DTWD2: variants seen among roughly 807,000 people sequenced by gnomAD.
The protein encoded by DTWD2 is DTW motif tRNA-uridine aminocarboxypropyltransferase 2.
Under a neutral mutation model 31.8 loss-of-function variants are expected in DTWD2, and 39 were observed. That is an observed-to-expected ratio of 1.22 (90% CI 0.95 to 1.60). DTWD2 has a LOEUF of 1.60. Ranked by LOEUF, DTWD2 falls within the 40% of genes most tolerant of loss-of-function variation. DTWD2 has a pLI of 0.00. For synonymous variants in DTWD2, 180 were observed against 142.8 expected (o/e 1.26, Z -1.86); for missense variants, 515 against 381.5 (o/e 1.35, Z -2.92).
chr5:118,862,474 G>C (rs1252905159), intron 4 of DTWD2, among the ~76,000 whole-genome samples: 1 of 151,954 alleles, frequency 6.6e-6, no homozygotes. Flanking sequence ...GGCAGCTTTG[G>C]TTACTTTATT....
intron 4 of DTWD2, among the ~76,000 whole-genome samples, chr5:118,863,082 C>T (rs1216674229): frequency 6.6e-6 from 1 of 152,124 alleles, no homozygotes; most frequent in East Asian, 1.9e-4. Context: ...TTTTTCAAGC[C>T]ACGTTTAGTA....
At chr5:118,985,513 T>TACAC (rs1388704157) in intron 1 of DTWD2, among the ~76,000 whole-genome samples, 4 of 129,372 alleles carry the variant, frequency 3.1e-5, no homozygotes, top group African/African-American at 1.2e-4. Context: ...TATATATATA[T>TACAC]ATATACACAC....
Position 118,851,381 on chromosome 5 carries a change from T to A in DTWD2, c.598-3163A>T, listed in dbSNP as rs930857287. On this transcript the variant is annotated intron_variant, in intron 4 of 5. Coordinates refer to ENST00000510708, the MANE Select transcript of DTWD2 (RefSeq NM_173666.4). ...TACATCTGGGCCGCCGGGGGCAACA[T>A]CACATATCGGTAGGACCGTGATGCC... Among the ~76,000 whole-genome samples the A allele has an allele frequency of 2.0e-5, 3 of 150,526 alleles. 1 individual carries two copies. The highest frequency in any genetic ancestry group is 2.0e-4 in the Admixed American group (3 of 15,128).
At chr5:118,942,278 G>A (rs370608957) in intron 2 of DTWD2, among the ~76,000 whole-genome samples, 1 of 152,282 alleles carries the variant, frequency 6.6e-6, no homozygotes, top group Non-Finnish European at 1.5e-5. Flanking sequence ...GGGAGGCAGA[G>A]GTTGGAGGAT....
chr5:118,976,176 G>A (rs1177416937), intron 1 of DTWD2, among the ~76,000 whole-genome samples: 2 of 152,206 alleles, frequency 1.3e-5, no homozygotes, highest in East Asian at 3.8e-4. Flanking sequence ...GTATATCTGG[G>A]ACACAGCTAA....
chr5:118,953,588 G>A (rs1468893151), intron 1 of DTWD2, among the ~76,000 whole-genome samples: 1 of 152,142 alleles, frequency 6.6e-6, no homozygotes, highest in East Asian at 1.9e-4. Flanking sequence ...AAGACCCTAT[G>A]GGGACACCAT....
intron 5 of DTWD2, among the ~76,000 whole-genome samples, chr5:118,842,949 TCCTC>T (rs1561421752): frequency 1.4e-5 from 2 of 142,838 alleles, no homozygotes; most frequent in African/African-American, 5.3e-5. Flanking sequence ...ACTTTCTTCT[TCCTC>T]TTTTTTTTTT....
chr5:118,914,707 G>A (rs917313392), intron 4 of DTWD2, among the ~76,000 whole-genome samples: 33 of 152,132 alleles, frequency 2.2e-4, no homozygotes, highest in African/African-American at 8.0e-4. Context: ...TCCAGCTTAA[G>A]CAGTAAAGCT....
At chr5:118,860,404 A>T (rs868865586) in intron 4 of DTWD2, among the ~76,000 whole-genome samples, 7 of 151,796 alleles carry the variant, frequency 4.6e-5, no homozygotes, top group African/African-American at 1.5e-4. Flanking sequence ...ATAGTATAAT[A>T]CTTGATTGTA....
chr5:118,849,092 T>G (rs528920803), intron 4 of DTWD2, among the ~76,000 whole-genome samples: 118 of 152,218 alleles, frequency 7.8e-4, no homozygotes, highest in Non-Finnish European at 1.1e-3. Flanking sequence ...ACAGGCAACC[T>G]ACAGAATGGG....
chr5:118,860,403 T>C (rs1361768456), intron 4 of DTWD2, among the ~76,000 whole-genome samples: 1 of 151,854 alleles, frequency 6.6e-6, no homozygotes, highest in Non-Finnish European at 1.5e-5. Context: ...AATAGTATAA[T>C]ACTTGATTGT....
At chr5:118,871,193 G>T (rs1752496682) in intron 4 of DTWD2, among the ~76,000 whole-genome samples, 1 of 152,010 alleles carries the variant, frequency 6.6e-6, no homozygotes, top group Admixed American at 6.6e-5. Context: ...GCATCTTTAG[G>T]TTCCACTTCT....
intron 1 of DTWD2, among the ~76,000 whole-genome samples, chr5:118,951,109 A>G (rs2149588849): frequency 6.6e-6 from 1 of 152,286 alleles, no homozygotes; most frequent in East Asian, 1.9e-4. Context: ...AAAAGGAGCA[A>G]TAACCTTGAC....
At chr5:118,895,439 A>G (rs1022981376) in intron 4 of DTWD2, among the ~76,000 whole-genome samples, 1 of 152,178 alleles carries the variant, frequency 6.6e-6, no homozygotes, top group Non-Finnish European at 1.5e-5. Context: ...ATACTGCCCT[A>G]AGCAATCTTC....
chr5:118,855,171 A>C (rs1419381746), intron 4 of DTWD2, among the ~76,000 whole-genome samples: 2 of 149,650 alleles, frequency 1.3e-5, no homozygotes, highest in African/African-American at 4.9e-5. Context: ...TGTCTCAAAA[A>C]AAAAAAATAA....
intron 4 of DTWD2, among the ~76,000 whole-genome samples, chr5:118,864,641 A>T (rs955465022): frequency 2.8e-5 from 4 of 145,454 alleles, no homozygotes; most frequent in Admixed American, 1.4e-4. Context: ...ATTTTATTTT[A>T]TTTTTTTTTT....
At chr5:118,885,603 TAAAAATACAAAA>T (rs1487216215) in intron 4 of DTWD2, among the ~76,000 whole-genome samples, 1 of 150,694 alleles carries the variant, frequency 6.6e-6, no homozygotes, top group Non-Finnish European at 1.5e-5. Flanking sequence ...TCGTCTCTAC[TAAAAATACAAAA>T]TTAGCCAGGC....
intron 1 of DTWD2, among the ~76,000 whole-genome samples, chr5:118,963,707 A>G (rs1754760311): frequency 1.3e-5 from 2 of 152,210 alleles, no homozygotes; most frequent in Admixed American, 1.3e-4. Context: ...CACAGAGAGA[A>G]GCCAGGTACT....
At chr5:118,973,019 TAC>T (rs1755024036) in intron 1 of DTWD2, among the ~76,000 whole-genome samples, 2 of 152,144 alleles carry the variant, frequency 1.3e-5, no homozygotes. Flanking sequence ...TTTGTTGGTT[TAC>T]AGTCTGTTTT....
Sources: allele counts gnomAD v4.1 joint callset (sites outside exome capture counted in the v4.1 genomes callset), GRCh38; gene constraint gnomAD v4.1.1; transcripts MANE v1.5; gene names NCBI Gene and HGNC (gene_info 2026-07-23, HGNC 2026-07-21).